STAG3: variants seen among roughly 807,000 people sequenced by gnomAD.
STAG3 encodes the protein cohesin subunit SA-3.
Under a neutral mutation model 160.7 loss-of-function variants are expected in STAG3, and 101 were observed. The ratio of observed to expected loss-of-function variants is 0.63; its 90% confidence interval spans 0.54 to 0.74. The LOEUF (loss-of-function observed/expected upper bound fraction) is 0.74, where lower values mean the gene tolerates loss of function less well. STAG3 is among the 30% of genes least tolerant of loss of function. The pLI is 0.00. For synonymous variants in STAG3, 519 were observed against 585.0 expected, an observed-to-expected ratio of 0.89 and a Z score of 1.63; for missense variants, 1,188 against 1,517.4, an observed-to-expected ratio of 0.78 and a Z score of 3.61.
At chr7:100,184,519 G>C (rs139899196) in intron 4 of STAG3, among the ~76,000 whole-genome samples, 1,926 of 132,598 alleles carry the variant, frequency 0.015, 48 homozygotes, top group African/African-American at 0.051. Context: ...CCAGGCTGGA[G>C]TGCAGTGACG....
At chr7:100,195,773 C>T (rs1800647525) in intron 9 of STAG3, among the ~76,000 whole-genome samples, 1 of 152,180 alleles carries the variant, frequency 6.6e-6, no homozygotes, top group Non-Finnish European at 1.5e-5. Context: ...AGCCTGCTGT[C>T]TCACTGTGCG....
Position 100,201,113 on chromosome 7 carries a change from G to C in STAG3, c.2085G>C (p.Glu695Asp). 1 of 1,614,200 alleles carries C rather than the reference G, an allele frequency of 6.2e-7. No individual in the cohort carries two copies. The highest frequency in any genetic ancestry group is 8.5e-7 in the Non-Finnish European group (1 of 1,180,040). The change falls in exon 20 of 34, where the codon GAG (glutamate) becomes GAC (aspartate). Residue 695 changes from glutamate to aspartate, a missense_variant. Glu to Asp is a conservative substitution (Grantham distance 45). Coordinates refer to ENST00000615138, the MANE Select transcript of STAG3 (RefSeq NM_001282717.2). ...LLQSSFLDEDEVYNLAATLKR... is the reference protein window; with the variant it reads ...LLQSSFLDEDDVYNLAATLKR... ...AGTCGTCCTTCCTAGATGAGGATGA[G>C]GTATATAATCTGGCAGCCACTCTGA...
Position 100,204,786 on chromosome 7 carries a change from T to G in STAG3, c.2951+11T>G, listed in dbSNP as rs1286722482. ...GGTCATGCTACACAAGTAGGAAGTA[T>G]TGGTTGCAGGTTGTGTCCAGGGAGG... On this transcript the variant is annotated intron_variant, in intron 27 of 33. Coordinates refer to ENST00000615138, the MANE Select transcript of STAG3 (RefSeq NM_001282717.2). 2 of 1,612,628 alleles carry G rather than the reference T, an allele frequency of 1.2e-6. No homozygotes were observed. Among genetic ancestry groups the G allele is most frequent in the African/African-American group, 2.7e-5 (2 of 74,568 alleles).
intron 27 of STAG3, 78 bp from the exon 28 acceptor site, chr7:100,204,927 G>A (rs538873662): frequency 3.9e-5 from 61 of 1,577,310 alleles, no homozygotes; most frequent in South Asian, 4.8e-5. Flanking sequence ...GGGGGAGGGT[G>A]CATTTGGACA....
At chr7:100,211,281 C>T in intron 30 of STAG3, 96 bp downstream of exon 30, 3 of 1,486,210 alleles carry the variant, frequency 2.0e-6, no homozygotes, top group Non-Finnish European at 1.8e-6. Flanking sequence ...CCTGCTGTAG[C>T]ACTCCCACAT....
chr7:100,200,929 T>A lies in STAG3; in HGVS notation c.2021T>A (p.Leu674Gln). ...GCCCGCAGCCAGCTAGTAGATTTGC[T>A]GACTGACCGCTTCCAGCAGGAGCTT... ...DFARSQLVDLLTDRFQQELEE... is the reference protein window; with the variant it reads ...DFARSQLVDLQTDRFQQELEE... The change falls in exon 19 of 34, where the codon CTG becomes CAG. Residue 674 changes from leucine (L) to glutamine (Q), a missense_variant. Around this residue, in one of 4 missense-constraint regions of STAG3, gnomAD observed 647 missense variants for 717.2 expected, o/e 0.90. Transcript: ENST00000615138. The A allele has an allele frequency of 1.2e-6, 2 of 1,614,218 alleles. No homozygotes were observed. The highest frequency in any genetic ancestry group is 1.7e-6 in the Non-Finnish European group (2 of 1,180,038).
chr7:100,199,335 G>A lies in STAG3; in HGVS notation c.1541G>A (p.Gly514Asp), dbSNP rs1377541722. The A allele has an allele frequency of 1.2e-6, 2 of 1,614,134 alleles. No homozygotes were observed. Among genetic ancestry groups the A allele is most frequent in the Non-Finnish European group, 1.7e-6 (2 of 1,180,000 alleles). ...GGGGCTCGGCTGAAGGACTGGGAGG[G>A]TCTGACAAGCCTGCTGCTGGAGAAG... Reference protein sequence around the residue: ...CAGARLKDWEGLTSLLLEKDQ... With the variant: ...CAGARLKDWEDLTSLLLEKDQ... Residue 514 changes from glycine to aspartate, a missense_variant, in exon 15 of 34, where the codon GGT becomes GAT. This residue lies in a region of STAG3 where 240 missense variants were observed against 358.1 expected (regional missense o/e 0.67). Transcript: ENST00000615138.
intron 32 of STAG3, 131 bp from the exon 33 acceptor site, chr7:100,213,604 C>A: frequency 1.3e-6 from 2 of 1,510,180 alleles, no homozygotes; most frequent in East Asian, 2.3e-5. Context: ...ACTTCCCTCC[C>A]AGGAGGTGCC....
At chr7:100,200,173 C>A in intron 16 of STAG3, 63 bp from the exon 17 acceptor site, 1 of 1,270,488 alleles carries the variant, frequency 7.9e-7, no homozygotes, top group Non-Finnish European at 1.1e-6. Flanking sequence ...AGGAGGACTG[C>A]ACACACCCCC....
chr7:100,211,692 C>A, intron 31 of STAG3, 103 bp from the exon 32 acceptor site: 2 of 1,414,542 alleles, frequency 1.4e-6, no homozygotes, highest in Admixed American at 1.8e-5. Context: ...AACTACTATG[C>A]TGTACTTACT....
intron 25 of STAG3, among the ~76,000 whole-genome samples, 192 bp from the exon 26 acceptor site, chr7:100,203,829 C>T (rs1355420240): frequency 6.6e-6 from 1 of 151,974 alleles, no homozygotes; most frequent in Non-Finnish European, 1.5e-5. Context: ...ATTTGTTTAC[C>T]GAAACTCTGA....
chr7:100,189,154 A>G, intron 7 of STAG3, 138 bp downstream of exon 7: 3 of 993,940 alleles, frequency 3.0e-6, no homozygotes, highest in Middle Eastern at 3.3e-4. Flanking sequence ...CTAAACTTCA[A>G]TCCAGTTTCT....
intron 4 of STAG3, among the ~76,000 whole-genome samples, chr7:100,183,840 C>T (rs1334476884): frequency 1.3e-5 from 2 of 152,192 alleles, no homozygotes; most frequent in Non-Finnish European, 2.9e-5. Flanking sequence ...GAGATTTACC[C>T]ACATTAATGT....
At chr7:100,180,433 G>A (rs756427082) in intron 1 of STAG3, 60 bp from the exon 2 acceptor site, 2 of 688,868 alleles carry the variant, frequency 2.9e-6, no homozygotes, top group Non-Finnish European at 5.3e-6. Flanking sequence ...AAAGGGACTG[G>A]TCAGGGCTGG....
intron 32 of STAG3, 72 bp downstream of exon 32, chr7:100,211,948 C>T (rs1245947754): frequency 6.3e-6 from 9 of 1,418,896 alleles, no homozygotes; most frequent in African/African-American, 1.4e-5. Context: ...CAGGGTGTTT[C>T]CCCTCTCTCC....
chr7:100,200,865 T>C lies in STAG3; in HGVS notation c.1957T>C (p.Cys653Arg). The C allele has an allele frequency of 1.2e-6, 2 of 1,614,240 alleles. No individual in the cohort carries two copies. The highest frequency in any genetic ancestry group is 1.7e-6 in the Non-Finnish European group (2 of 1,180,048). ...TGGGGCGCATGCCCTCTACCTGCTC[T>C]GTAATCCCGAATTCACTTTCTTCAG... is the stretch of plus-strand genomic sequence containing the variant. ...EAGAHALYLL[C>R]NPEFTFFSRA... Residue 653 changes from cysteine to arginine, a missense_variant, in exon 19 of 34, where the codon TGT (cysteine) becomes CGT (arginine). Physicochemically the swap from Cys to Arg is radical, Grantham distance 180. This residue lies in a region of STAG3 where 647 missense variants were observed against 717.2 expected (regional missense o/e 0.90). Coordinates refer to ENST00000615138, the MANE Select transcript of STAG3 (RefSeq NM_001282717.2).
intron 1 of STAG3, among the ~76,000 whole-genome samples, chr7:100,179,528 A>G (rs1799508296): frequency 6.6e-6 from 1 of 150,576 alleles, no homozygotes; most frequent in African/African-American, 2.4e-5. Flanking sequence ...CCCAGTGTGC[A>G]ATTTTTTTTT....
In STAG3 at chr7:100,198,119, G is replaced by T. The variant is rs766192338; in HGVS notation, c.1197G>T (p.Glu399Asp). Residue 399 changes from glutamate (E) to aspartate (D), a missense_variant, in exon 12 of 34, where the codon GAG becomes GAT. By Grantham distance (45) the Glu-to-Asp change is conservative. Around this residue, in one of 4 missense-constraint regions of STAG3, gnomAD observed 240 missense variants for 358.1 expected, o/e 0.67. Coordinates refer to ENST00000615138, the MANE Select transcript of STAG3 (RefSeq NM_001282717.2). Reference protein sequence around the residue: ...DRMVSMVMDREYDVAVEAVRL... With the variant: ...DRMVSMVMDRDYDVAVEAVRL... ...TGGTTTCCATGGTCATGGACAGAGA[G>T]TATGATGTGGCAGTGGAGGCTGTCA... The T allele has an allele frequency of 2.5e-6, 4 of 1,613,846 alleles. No homozygotes were observed. In the East Asian group the frequency reaches 8.9e-5, roughly 36 times the overall value.
intron 8 of STAG3, among the ~76,000 whole-genome samples, chr7:100,190,154 C>T (rs763809786): frequency 2.0e-5 from 3 of 152,184 alleles, no homozygotes; most frequent in Non-Finnish European, 2.9e-5. Context: ...TAAATTGCCT[C>T]GCTTGGCTCA....
Sources: gnomAD v4.1 joint callset for allele counts (sites outside exome capture counted in the v4.1 genomes callset) on GRCh38, gnomAD v4.1.1 for gene constraint, gnomAD v4.1.1 regional missense constraint, MANE v1.5 for transcripts, NCBI Gene and HGNC (gene_info 2026-07-23, HGNC 2026-07-21) for gene names.